The following GPHN variants were observed in gnomAD, a reference collection of about 807,000 sequenced individuals.
GPHN encodes the protein gephyrin.
A neutral mutation model predicts 95.5 loss-of-function variants in GPHN; 17 were observed. That is an observed-to-expected ratio of 0.18 (90% CI 0.12 to 0.27). The LOEUF is 0.27. Among genes scored for constraint, GPHN ranks in the 10% least tolerant of loss-of-function variants. The pLI is 1.00. For missense variants in GPHN, 660 were observed against 978.1 expected (o/e 0.67, Z 4.34); for synonymous variants, 320 against 322.5 (o/e 0.99, Z 0.08).
At chr14:66,977,516 T>C (rs1031791979) in intron 9 of GPHN, among the ~76,000 whole-genome samples, 7 of 152,158 alleles carry the variant, frequency 4.6e-5, no homozygotes, top group East Asian at 1.9e-4. Flanking sequence ...TCTCAAACTA[T>C]GTACAGGAAT....
At chr14:67,569,798 C>T in the GPHN span, 2 of 688,886 alleles carry the variant, frequency 2.9e-6, no homozygotes, top group Admixed American at 2.1e-5. Context: ...CCCTGGCCCC[C>T]CTCTTGAGAT....
intron 1 of GPHN, among the ~76,000 whole-genome samples, chr14:66,623,460 A>T (rs972564654): frequency 7.2e-5 from 11 of 152,054 alleles, no homozygotes; most frequent in Admixed American, 2.0e-4. Flanking sequence ...CCTACTAAAA[A>T]TACAAAAATT....
rs555167945 is a variant in GPHN at position 66,742,461 on chromosome 14, A to G, written c.144-34003A>G. Among the ~76,000 whole-genome samples, 5 of 152,278 alleles carry G rather than the reference A, an allele frequency of 3.3e-5. No individual in the cohort carries two copies. In the South Asian group the frequency reaches 1.0e-3, roughly 32 times the overall value. On this transcript the variant is annotated intron_variant, in intron 2 of 22. Transcript: ENST00000478722. ...TTCCGTCCTGTTTGGGCAGGATTGC[A>G]TATGCCCCTGAGCCTATATAGCTCT...
intron 2 of GPHN, among the ~76,000 whole-genome samples, chr14:66,689,751 G>T (rs2067652756): frequency 6.6e-6 from 1 of 151,940 alleles, no homozygotes; most frequent in Non-Finnish European, 1.5e-5. Context: ...ATTTCTTCTT[G>T]GCTCAGTTGT....
the GPHN span, among the ~76,000 whole-genome samples, chr14:67,256,160 G>T: frequency 6.6e-6 from 1 of 152,004 alleles, no homozygotes; most frequent in Non-Finnish European, 1.5e-5. Context: ...GGGAATATTT[G>T]GTCTATTATC....
At chr14:67,684,401 G>C in the GPHN span, 2 of 152,188 alleles carry the variant, frequency 1.3e-5, no homozygotes, top group Non-Finnish European at 2.9e-5. Flanking sequence ...GGATAGGGCA[G>C]AATTGGCCAT....
intron 2 of GPHN, among the ~76,000 whole-genome samples, chr14:66,700,930 A>AC (rs397795958): frequency 5.9e-5 from 9 of 151,680 alleles, no homozygotes; most frequent in Non-Finnish European, 1.2e-4. Flanking sequence ...AAAAAAAAAA[A>AC]CTATATTATT....
At chr14:67,575,767 G>C in the GPHN span, 1 of 1,323,550 alleles carries the variant, frequency 7.6e-7, no homozygotes, top group Admixed American at 1.9e-5. Context: ...TTCAGAGAGA[G>C]GAGACTCCCT....
chr14:67,266,908 G>A, the GPHN span, among the ~76,000 whole-genome samples: 30 of 151,950 alleles, frequency 2.0e-4, 1 homozygote, highest in Middle Eastern at 3.4e-3. Flanking sequence ...CTAGGAGTTC[G>A]ACACCAGCCT....
chr14:66,712,579 C>T (rs2069756677), intron 2 of GPHN, among the ~76,000 whole-genome samples: 1 of 152,164 alleles, frequency 6.6e-6, no homozygotes, highest in South Asian at 2.1e-4. Flanking sequence ...TTCTCCTGTT[C>T]TGTAGGTTGC....
At chr14:67,728,705 G>GC in the GPHN span, among the ~76,000 whole-genome samples, 355 of 131,036 alleles carry the variant, frequency 2.7e-3, 2 homozygotes, top group Admixed American at 5.4e-3. Flanking sequence ...ATATCTTGTG[G>GC]GGGGGGGGTG....
chr14:67,592,772 T>C, the GPHN span: 25 of 1,070,358 alleles, frequency 2.3e-5, no homozygotes, highest in Non-Finnish European at 3.1e-5. Flanking sequence ...TTTTGCATTC[T>C]TTTTTTCTTT....
chr14:67,157,822 C>T lies in GPHN; in HGVS notation c.1837-1593C>T, dbSNP rs975943162. Among the ~76,000 whole-genome samples the T allele has an allele frequency of 5.5e-5, 8 of 146,028 alleles. 1 individual carries two copies. The highest frequency in any genetic ancestry group is 4.5e-5 in the Non-Finnish European group (3 of 66,970). ...CAGCCTGGGTGACAGAGAGAGACCCCGTCTCAAGAAGAAGAGAGAAAGAGA... is the reference window on the plus strand; with the variant it reads ...CAGCCTGGGTGACAGAGAGAGACCCTGTCTCAAGAAGAAGAGAGAAAGAGA... On this transcript the variant is annotated intron_variant, in intron 18 of 22. Coordinates refer to ENST00000478722, the MANE Select transcript of GPHN (RefSeq NM_020806.5).
At chr14:66,754,714 A>T (rs1024713670) in intron 2 of GPHN, among the ~76,000 whole-genome samples, 25 of 152,118 alleles carry the variant, frequency 1.6e-4, no homozygotes, top group African/African-American at 6.0e-4. Flanking sequence ...CCTATACAGA[A>T]ATTACACTAA....
the GPHN span, chr14:67,578,210 C>T: frequency 6.2e-7 from 1 of 1,610,712 alleles, no homozygotes; most frequent in East Asian, 2.2e-5. The surrounding 1 kb of genome is among the most constrained non-coding windows in gnomAD (Gnocchi z 5.0). Flanking sequence ...GTAGGCATGC[C>T]AGGGGTGGAG....
At chr14:67,426,801 C>T in the GPHN span, among the ~76,000 whole-genome samples, 2 of 152,196 alleles carry the variant, frequency 1.3e-5, no homozygotes, top group Non-Finnish European at 2.9e-5. Flanking sequence ...TTTCGAACTC[C>T]TGACCTCAGG....
chr14:67,602,796 A>T, the GPHN span, among the ~76,000 whole-genome samples: 13 of 152,208 alleles, frequency 8.5e-5, no homozygotes, highest in African/African-American at 2.2e-4. Flanking sequence ...AGTCATTGCT[A>T]CTTCAAAATT....
chr14:66,545,354 C>G (rs528067179), intron 1 of GPHN, among the ~76,000 whole-genome samples: 1 of 145,460 alleles, frequency 6.9e-6, no homozygotes, highest in Admixed American at 6.7e-5. Context: ...CCACCTCCCT[C>G]CCGGACGGGG....
At chr14:67,654,823 A>T in the GPHN span, among the ~76,000 whole-genome samples, 62 of 152,064 alleles carry the variant, frequency 4.1e-4, no homozygotes, top group African/African-American at 1.5e-3. Context: ...AGGTTAAGAG[A>T]TCGAGACCAT....
Sources: allele counts gnomAD v4.1 joint callset (sites outside exome capture counted in the v4.1 genomes callset), GRCh38; gene constraint gnomAD v4.1.1; non-coding constraint Gnocchi (gnomAD v3.1); transcripts MANE v1.5; gene names NCBI Gene and HGNC (gene_info 2026-07-23, HGNC 2026-07-21).